Variants in MCTP2 observed in about 807,000 individuals in gnomAD.
The protein encoded by MCTP2 is multiple C2 and transmembrane domain containing 2, also known as multiple C2 and transmembrane domain-containing protein 2.
Under a neutral mutation model 111.6 loss-of-function variants are expected in MCTP2, and 132 were observed. The observed-to-expected ratio is 1.18, with a 90% CI of 1.03 to 1.37. MCTP2 has a LOEUF of 1.37. Ranked by LOEUF, MCTP2 falls within the 40% of genes most tolerant of loss-of-function variation. MCTP2 has a pLI of 0.00. For synonymous variants in MCTP2, 395 were observed against 387.7 expected (o/e 1.02, Z -0.22); for missense variants, 1,183 against 1,067.9 (o/e 1.11, Z -1.50).
At chr15:94,457,983 G>T (rs2084941359) in intron 19 of MCTP2, among the ~76,000 whole-genome samples, 154 bp from the exon 20 acceptor site, 2 of 152,230 alleles carry the variant, frequency 1.3e-5, no homozygotes, top group African/African-American at 4.8e-5. Flanking sequence ...TTTTTCTGGG[G>T]GGGGAGTCAA....
intron 8 of MCTP2, among the ~76,000 whole-genome samples, chr15:94,352,537 TTA>T (rs1311737296): frequency 1.3e-5 from 2 of 152,162 alleles, no homozygotes; most frequent in Non-Finnish European, 2.9e-5. Context: ...ATTGTATCCA[TTA>T]TGTCTGCTGA....
In MCTP2 at chr15:94,306,310, TTTGG is replaced by T. The variant is rs138462870; in HGVS notation, c.465+7584_465+7587del. 5.9e-3 allele frequency among the ~76,000 whole-genome samples: 906 copies of T among 152,312 alleles called. 14 individuals are homozygous for T. The highest frequency in any genetic ancestry group is 0.02 in the African/African-American group (840 of 41,564). On this transcript the variant is annotated intron_variant, in intron 2 of 22. Transcript: ENST00000357742. ...CCTAACAAGTGCTTACTGCCATGAT[TTTGG>T]TTGTATTCATTAGTGTTTATAATTA...
intron 8 of MCTP2, among the ~76,000 whole-genome samples, chr15:94,349,332 A>T (rs912820544): frequency 6.6e-6 from 1 of 152,138 alleles, no homozygotes; most frequent in Non-Finnish European, 1.5e-5. Flanking sequence ...CCTCTCAGTG[A>T]TGTTTGACTC....
intron 10 of MCTP2, among the ~76,000 whole-genome samples, chr15:94,364,530 G>A (rs2079090150): frequency 6.6e-6 from 1 of 152,092 alleles, no homozygotes; most frequent in Admixed American, 6.5e-5. Flanking sequence ...GATTTTTCGT[G>A]TTAAAGGTGT....
rs75426544 is a variant in MCTP2 at position 94,298,191 on chromosome 15, T to C, written c.-65-10T>C. ...TTGTTTGTTTTTTGTTGTTTTTTTCTGTTTTATAGGAGTCATTGCAGTTTT... is the reference window on the plus strand; with the variant it reads ...TTGTTTGTTTTTTGTTGTTTTTTTCCGTTTTATAGGAGTCATTGCAGTTTT... On this transcript the variant is annotated splice_polypyrimidine_tract_variant and intron_variant, in intron 1 of 22. Coordinates refer to ENST00000357742, the MANE Select transcript of MCTP2 (RefSeq NM_001385001.1). 0.12 allele frequency: 124,721 copies of C among 1,064,150 alleles called. 9,313 individuals are homozygous for C. Among genetic ancestry groups the C allele is most frequent in the East Asian group, 0.24 (8,788 of 36,576 alleles). The allele number at this position is 1,064,150 out of a possible 1,614,324, so 65.9% of individuals were successfully genotyped here. A position where few individuals can be genotyped will look rare whatever the true frequency, so the allele number is the denominator to read the frequency against.
chr15:94,244,135 CATGCATATGTGTATATGTTTAT>C (rs1567256903), intron 1 of MCTP2, among the ~76,000 whole-genome samples: 4 of 144,352 alleles, frequency 2.8e-5, no homozygotes, highest in Admixed American at 6.8e-5. Context: ...CATGTATACA[CATGCATATGTGTATATGTTTAT>C]ATACACGTGT....
intron 1 of MCTP2, among the ~76,000 whole-genome samples, chr15:94,235,371 G>A (rs1205500436): frequency 6.6e-6 from 1 of 152,086 alleles, no homozygotes; most frequent in Non-Finnish European, 1.5e-5. Context: ...CACGTTCTCA[G>A]GCACCCCGCA....
Position 94,399,910 on chromosome 15 carries a change from G to A in MCTP2, c.1891-11G>A. Reference sequence around the variant, plus strand: ...CATGCTGCCCTTTTTTAACAAGGATGTCTTTTCTAGGTGAAAGCAAGTATT... The same window carrying A: ...CATGCTGCCCTTTTTTAACAAGGATATCTTTTCTAGGTGAAAGCAAGTATT... On this transcript the variant is annotated splice_polypyrimidine_tract_variant and intron_variant, in intron 15 of 22. Coordinates refer to ENST00000357742, the MANE Select transcript of MCTP2 (RefSeq NM_001385001.1). The A allele has an allele frequency of 1.2e-6, 2 of 1,613,046 alleles. No individual in the cohort carries two copies. The highest frequency in any genetic ancestry group is 1.1e-5 in the South Asian group (1 of 91,062).
At chr15:94,423,317 T>A (rs1323038706) in intron 17 of MCTP2, among the ~76,000 whole-genome samples, 1 of 152,160 alleles carries the variant, frequency 6.6e-6, no homozygotes, top group East Asian at 1.9e-4. Context: ...AAGAAAAATG[T>A]TTGATAATGT....
intron 1 of MCTP2, among the ~76,000 whole-genome samples, chr15:94,237,075 A>G (rs1291856444): frequency 1.3e-5 from 2 of 152,260 alleles, no homozygotes; most frequent in South Asian, 4.1e-4. Flanking sequence ...TATGACCTTC[A>G]TGGACACTGA....
chr15:94,376,429 G>A (rs1437656970), intron 12 of MCTP2, among the ~76,000 whole-genome samples: 1 of 152,196 alleles, frequency 6.6e-6, no homozygotes, highest in African/African-American at 2.4e-5. Flanking sequence ...GAGATATACA[G>A]AAGCAGAGAC....
chr15:94,370,166 C>T lies in MCTP2; in HGVS notation c.1568C>T (p.Ala523Val), dbSNP rs527584613. 6.6e-5 allele frequency: 106 copies of T among 1,610,888 alleles called. No homozygotes were observed. Among genetic ancestry groups the T allele is most frequent in the African/African-American group, 1.6e-4 (12 of 74,782 alleles). The change falls in exon 12 of 23, where the codon GCG (alanine) becomes GTG (valine). Residue 523 changes from alanine (A) to valine (V), a missense_variant. By Grantham distance (64) the Ala-to-Val change is moderately conservative. Transcript: ENST00000357742. The stretch of plus-strand genomic sequence containing the variant: ...GTTTTAAAGGCAGCAGATCTCTTAG[C>T]GGCAGATTTCTCAGGTACAGGACAT... ...VKVLKAADLL[A>V]ADFSGKSDPF...
At chr15:94,400,020 G>A (rs748054363) in intron 16 of MCTP2, 25 bp downstream of exon 16, 25 of 1,606,408 alleles carry the variant, frequency 1.6e-5, no homozygotes, top group Admixed American at 1.0e-4. Context: ...TAGGTGGCTT[G>A]TTGATTGGTA....
intron 1 of MCTP2, among the ~76,000 whole-genome samples, chr15:94,245,494 G>T (rs1198859735): frequency 7.3e-6 from 1 of 137,422 alleles, no homozygotes; most frequent in Admixed American, 7.5e-5. Context: ...ATACATGTAT[G>T]TATTTATATA....
intron 17 of MCTP2, among the ~76,000 whole-genome samples, chr15:94,439,605 G>A (rs16949129): frequency 0.044 from 6,638 of 152,214 alleles, 481 homozygotes; most frequent in African/African-American, 0.15. Flanking sequence ...GCCTTTCTAT[G>A]TGAGGAGTCA....
At chr15:94,270,516 C>T (rs2073850809) in intron 1 of MCTP2, among the ~76,000 whole-genome samples, 1 of 152,106 alleles carries the variant, frequency 6.6e-6, no homozygotes, top group East Asian at 1.9e-4. Flanking sequence ...CTGTCCAATG[C>T]GATCTCCTGC....
chr15:94,458,353 A>G (rs1327067334), intron 20 of MCTP2, 107 bp downstream of exon 20: 1 of 712,498 alleles, frequency 1.4e-6, no homozygotes, highest in Non-Finnish European at 2.5e-6. Context: ...AAATACAAAA[A>G]CACACCAAAG....
chr15:94,275,984 G>GACT (rs955610083), intron 1 of MCTP2, among the ~76,000 whole-genome samples: 29 of 151,878 alleles, frequency 1.9e-4, no homozygotes, highest in African/African-American at 6.5e-4. Flanking sequence ...GAGTAGCTGG[G>GACT]ACAGGCACTT....
chr15:94,425,103 C>T (rs1027407741), intron 17 of MCTP2, among the ~76,000 whole-genome samples: 1 of 152,024 alleles, frequency 6.6e-6, no homozygotes, highest in African/African-American at 2.4e-5. Flanking sequence ...TAAAAATATT[C>T]TTTAATTTTG....
Sources: gnomAD v4.1 joint callset for allele counts (sites outside exome capture counted in the v4.1 genomes callset) on GRCh38, gnomAD v4.1.1 for gene constraint, MANE v1.5 for transcripts, NCBI Gene and HGNC (gene_info 2026-07-23, HGNC 2026-07-21) for gene names.